DPP10: variants seen among roughly 807,000 people sequenced by gnomAD.
DPP10 encodes the protein dipeptidyl peptidase like 10.
Under a neutral mutation model 120.9 loss-of-function variants are expected in DPP10, and 33 were observed. That is an observed-to-expected ratio of 0.27 (90% CI 0.21 to 0.37). The LOEUF is 0.37. Among genes scored for constraint, DPP10 ranks in the 10% least tolerant of loss-of-function variants. The pLI is 1.00. For missense variants in DPP10, 816 were observed against 942.8 expected (o/e 0.87, Z 1.76); for synonymous variants, 337 against 326.1 (o/e 1.03, Z -0.36).
chr2:115,310,734 A>G (rs2061543154), intron 2 of DPP10, among the ~76,000 whole-genome samples: 1 of 152,210 alleles, frequency 6.6e-6, no homozygotes, highest in African/African-American at 2.4e-5. Flanking sequence ...TGTTACAGGA[A>G]GATGAGTTTC....
chr2:115,429,941 T>C (rs1002671839), intron 3 of DPP10, among the ~76,000 whole-genome samples: 2 of 152,092 alleles, frequency 1.3e-5, no homozygotes, highest in African/African-American at 2.4e-5. Flanking sequence ...TTTAGAGGAG[T>C]GTGACTGGAA....
intron 1 of DPP10, among the ~76,000 whole-genome samples, chr2:115,036,845 C>T (rs918596172): frequency 5.3e-5 from 8 of 152,082 alleles, no homozygotes; most frequent in Non-Finnish European, 7.4e-5. Context: ...GCATTAGAAT[C>T]GAATTAAAAT....
chr2:115,276,893 A>G (rs560945260), intron 1 of DPP10, among the ~76,000 whole-genome samples: 145 of 152,304 alleles, frequency 9.5e-4, no homozygotes, highest in African/African-American at 3.4e-3. Context: ...AACTCCTGCT[A>G]TTGACCTATG....
At position 114,472,967 on chromosome 2, in the gene DPP10, G is replaced by C. The variant is rs1022321848; in HGVS notation, c.60+30129G>C. Among the ~76,000 whole-genome samples, 18 of 152,258 alleles carry C rather than the reference G, an allele frequency of 1.2e-4. No homozygotes were observed. The Middle Eastern group carries it at 0.01, about 86-fold the overall frequency. ...TCTTATAATATGTGATTCCAACTTA[G>C]AGTGCCTCATCACTGCCCTTTGTAC... On this transcript the variant is annotated intron_variant, in intron 1 of 25. Coordinates refer to ENST00000410059, the MANE Select transcript of DPP10 (RefSeq NM_020868.6).
At chr2:114,470,450 C>T (rs1016934695) in intron 1 of DPP10, among the ~76,000 whole-genome samples, 2 of 152,086 alleles carry the variant, frequency 1.3e-5, no homozygotes, top group Admixed American at 6.6e-5. Context: ...AGTCACCTTC[C>T]ATTACTATTG....
intron 3 of DPP10, among the ~76,000 whole-genome samples, chr2:115,447,296 TA>T (rs574700437): frequency 7.0e-4 from 106 of 152,326 alleles, no homozygotes; most frequent in African/African-American, 2.4e-3. Context: ...TGGAAGTAAC[TA>T]ACTGGTTTTT....
At chr2:115,257,665 C>G (rs372116278) in intron 1 of DPP10, among the ~76,000 whole-genome samples, 1 of 152,138 alleles carries the variant, frequency 6.6e-6, no homozygotes, top group East Asian at 1.9e-4. Flanking sequence ...CTGTGTCACT[C>G]AGTATGGCAT....
intron 3 of DPP10, among the ~76,000 whole-genome samples, chr2:115,366,888 C>G (rs369436529): frequency 2.0e-4 from 31 of 152,096 alleles, no homozygotes; most frequent in African/African-American, 7.5e-4. Flanking sequence ...CACATTGCAC[C>G]CCCAGCAGTA....
intron 1 of DPP10, among the ~76,000 whole-genome samples, chr2:115,155,063 A>AT (rs371140054): frequency 1.1e-4 from 16 of 144,614 alleles, no homozygotes; most frequent in African/African-American, 2.4e-4. Context: ...AGCTAATTTT[A>AT]TTTATTTTTT....
intron 1 of DPP10, among the ~76,000 whole-genome samples, chr2:115,194,773 G>A (rs932638766): frequency 6.6e-6 from 1 of 152,128 alleles, no homozygotes; most frequent in Non-Finnish European, 1.5e-5. Context: ...CACGGCAGAG[G>A]ACTAGAATGG....
At chr2:115,368,991 C>T (rs962098915) in intron 3 of DPP10, among the ~76,000 whole-genome samples, 8 of 151,850 alleles carry the variant, frequency 5.3e-5, no homozygotes, top group South Asian at 2.1e-4. Flanking sequence ...ACCATTTTCA[C>T]TAATAATATA....
At chr2:115,802,685 T>C in intron 19 of DPP10, among the ~76,000 whole-genome samples, 1 of 152,224 alleles carries the variant, frequency 6.6e-6, no homozygotes, top group African/African-American at 2.4e-5. Flanking sequence ...CATTTCGTTA[T>C]GTACCCAGTA....
intron 2 of DPP10, among the ~76,000 whole-genome samples, chr2:115,316,005 A>G (rs1030628890): frequency 1.1e-4 from 17 of 152,162 alleles, no homozygotes; most frequent in Admixed American, 6.6e-5. Flanking sequence ...TTACTCTCAT[A>G]ATGTTAGAGT....
rs10675008 is a variant in DPP10 at position 115,286,526 on chromosome 2, A to ATAAT, written c.61-22713_61-22712insTAAT. ...TATTACATATATAATATATATATATAATATATATATATATAAAATATATAC... is the reference window on the plus strand; with the variant it reads ...TATTACATATATAATATATATATATATAATATATATATATATATAAAATATATAC... On this transcript the variant is annotated intron_variant, in intron 1 of 25. Coordinates refer to ENST00000410059, the MANE Select transcript of DPP10 (RefSeq NM_020868.6). Among the ~76,000 whole-genome samples the ATAAT allele has an allele frequency of 2.6e-4, 16 of 60,954 alleles. 1 individual carries two copies. The highest frequency in any genetic ancestry group is 3.8e-4 in the African/African-American group (7 of 18,660). 40.0% of individuals were successfully genotyped at this position (60,954 alleles called of 152,430 possible).
At position 114,925,047 on chromosome 2, in the gene DPP10, T is replaced by A. The variant is rs565614114; in HGVS notation, c.61-384192T>A. On this transcript the variant is annotated intron_variant, in intron 1 of 25. Coordinates refer to ENST00000410059, the MANE Select transcript of DPP10 (RefSeq NM_020868.6). ...TAACACGGTGAAACCCCGTCTCTAC[T>A]AAAAATACAAAAAATTATCTGGGCA... Among the ~76,000 whole-genome samples, 4 of 152,056 alleles carry A rather than the reference T, an allele frequency of 2.6e-5. No individual in the cohort carries two copies. In the East Asian group the frequency reaches 7.8e-4, roughly 30 times the overall value.
In DPP10 at chr2:115,711,938, T is replaced by G. The variant is rs76654622; in HGVS notation, c.577-15878T>G. Among the ~76,000 whole-genome samples the G allele has an allele frequency of 5.1e-3, 663 of 129,404 alleles. 4 individuals are homozygous for G. The highest frequency in any genetic ancestry group is 8.9e-3 in the Non-Finnish European group (538 of 60,268). 84.9% of individuals were successfully genotyped at this position (129,404 alleles called of 152,430 possible). A position where few individuals can be genotyped will look rare whatever the true frequency, so the allele number is the denominator to read the frequency against. ...CTGGTTTTTTTTTTTTTTTTTTTTT[T>G]GGAATCATTGTCTAATGCATTTAGC... On this transcript the variant is annotated intron_variant, in intron 7 of 25. Transcript: ENST00000410059.
At chr2:114,562,638 C>G (rs1688858918) in intron 1 of DPP10, among the ~76,000 whole-genome samples, 1 of 152,108 alleles carries the variant, frequency 6.6e-6, no homozygotes, top group Admixed American at 6.5e-5. Context: ...AATGGTACAA[C>G]ATTGTAATAA....
chr2:115,433,086 G>T (rs1180681561), intron 3 of DPP10, among the ~76,000 whole-genome samples: 6 of 151,976 alleles, frequency 3.9e-5, no homozygotes, highest in African/African-American at 1.2e-4. Flanking sequence ...TTGCTCTCGT[G>T]CTTGAGAGCC....
chr2:115,690,081 C>T (rs1450489138), intron 7 of DPP10, among the ~76,000 whole-genome samples, 160 bp downstream of exon 7: 2 of 152,106 alleles, frequency 1.3e-5, no homozygotes, highest in Admixed American at 1.3e-4. Flanking sequence ...CTTAAGAATA[C>T]ATTAAATGAT....
Sources: gnomAD v4.1 joint callset for allele counts (sites outside exome capture counted in the v4.1 genomes callset) on GRCh38, gnomAD v4.1.1 for gene constraint, MANE v1.5 for transcripts, NCBI Gene and HGNC (gene_info 2026-07-23, HGNC 2026-07-21) for gene names.